RBM6: variants seen among roughly 807,000 people sequenced by gnomAD.
RBM6 encodes the protein RNA-binding protein 6.
A neutral mutation model predicts 140.4 loss-of-function variants in RBM6; 23 were observed. That is an observed-to-expected ratio of 0.16 (90% CI 0.12 to 0.23). RBM6 has a LOEUF of 0.23. RBM6 is among the 10% of genes least tolerant of loss of function. RBM6 has a pLI of 1.00. For missense variants in RBM6, 1,139 were observed against 1,386.7 expected (o/e 0.82, Z 2.84); for synonymous variants, 439 against 475.6 (o/e 0.92, Z 1.00).
rs1453319339 is a variant in RBM6 at position 49,968,339 on chromosome 3, A to G, written c.914A>G (p.His305Arg). 1.9e-6 allele frequency: 3 copies of G among 1,614,110 alleles called. No homozygotes were observed. The highest frequency in any genetic ancestry group is 2.2e-5 in the South Asian group (2 of 91,094). Residue 305 changes from histidine (H) to arginine (R), a missense_variant, in exon 3 of 21, where the codon CAT (histidine) becomes CGT (arginine). This residue lies in a region of RBM6 where 566 missense variants were observed against 612.7 expected (regional missense o/e 0.92). Transcript: ENST00000266022. ...YIQPSTQDREHSGMNVNRREE... is the reference protein window; with the variant it reads ...YIQPSTQDRERSGMNVNRREE... The stretch of plus-strand genomic sequence containing the variant: ...CAGCCCTCTACACAAGATAGAGAAC[A>G]TTCTGGTATGAATGTGAACAGGAGA...
chr3:50,058,791 C>T (rs1008901065), intron 10 of RBM6: 19 of 307,606 alleles, frequency 6.2e-5, no homozygotes, highest in African/African-American at 3.6e-4. Flanking sequence ...TGGCAGGCGC[C>T]TGTAGTCGCA....
At chr3:49,984,654 TCG>T (rs1553643667) in intron 5 of RBM6, among the ~76,000 whole-genome samples, 3 of 134,526 alleles carry the variant, frequency 2.2e-5, no homozygotes, top group East Asian at 2.1e-4. Flanking sequence ...TCGCATCGCA[TCG>T]CATCGCATTG....
At chr3:50,063,554 G>A (rs983305570) in intron 15 of RBM6, among the ~76,000 whole-genome samples, 1 of 148,744 alleles carries the variant, frequency 6.7e-6, no homozygotes, top group Non-Finnish European at 1.5e-5. Flanking sequence ...CTGTGATTGC[G>A]CCACTGCACT....
At chr3:50,023,655 A>ATTTT (rs35083306) in intron 6 of RBM6, among the ~76,000 whole-genome samples, 8 of 115,090 alleles carry the variant, frequency 7.0e-5, no homozygotes, top group African/African-American at 1.0e-4. Context: ...ATGTTTGGTG[A>ATTTT]TTTTTTTTTT....
chr3:49,984,621 GCA>G (rs1559552805), intron 5 of RBM6, among the ~76,000 whole-genome samples: 2 of 39,156 alleles, frequency 5.1e-5, no homozygotes, highest in African/African-American at 1.6e-4. Flanking sequence ...ACATCGCATC[GCA>G]TCGCATCGCA....
At chr3:50,062,893 T>C (rs2089991358) in intron 15 of RBM6, among the ~76,000 whole-genome samples, 1 of 40,506 alleles carries the variant, frequency 2.5e-5, no homozygotes, top group African/African-American at 5.7e-5. Context: ...TTCTTTTTCC[T>C]TTTTTTTTTT....
chr3:49,964,838 G>C (rs1255748884), intron 2 of RBM6, among the ~76,000 whole-genome samples: 1 of 152,082 alleles, frequency 6.6e-6, no homozygotes, highest in Non-Finnish European at 1.5e-5. Context: ...TTCAAATTTA[G>C]AACATTTGTC....
In RBM6 at chr3:49,968,405, T is replaced by C. The variant is rs1331969398; in HGVS notation, c.980T>C (p.Phe327Ser). Residue 327 changes from phenylalanine to serine, a missense_variant, in exon 3 of 21, where the codon TTT (phenylalanine) becomes TCT (serine). By Grantham distance (155) the Phe-to-Ser change is radical (BLOSUM62 -2). Around this residue, in one of 9 missense-constraint regions of RBM6, gnomAD observed 566 missense variants for 612.7 expected, o/e 0.92. Transcript: ENST00000266022. ...GACCATACGATAGAAAGGCCTGCTT[T>C]TGGCATTCAGAAGGGAGAATTTGAG... is the stretch of plus-strand genomic sequence containing the variant. Reference protein sequence around the residue: ...THDHTIERPAFGIQKGEFEHS... With the variant: ...THDHTIERPASGIQKGEFEHS... The C allele has an allele frequency of 6.2e-7, 1 of 1,614,022 alleles. No homozygotes were observed. Among genetic ancestry groups the C allele is most frequent in the Non-Finnish European group, 8.5e-7 (1 of 1,180,034 alleles).
intron 5 of RBM6, among the ~76,000 whole-genome samples, chr3:49,979,324 G>T (rs527388828): frequency 1.5e-4 from 23 of 152,154 alleles, no homozygotes; most frequent in African/African-American, 5.5e-4. Context: ...GCTGATAGAA[G>T]TGTTCTGGAA....
chr3:50,010,586 A>G (rs909122457), intron 6 of RBM6, among the ~76,000 whole-genome samples: 1 of 152,128 alleles, frequency 6.6e-6, no homozygotes, highest in Non-Finnish European at 1.5e-5. Flanking sequence ...CAATTTTAAA[A>G]AAAGTCTTTA....
At chr3:50,007,779 C>T (rs1053311560) in intron 6 of RBM6, among the ~76,000 whole-genome samples, 7 of 151,698 alleles carry the variant, frequency 4.6e-5, no homozygotes, top group South Asian at 2.1e-4. Context: ...GTGATCCACC[C>T]GCCTCGGCCT....
At chr3:49,953,437 CT>C (rs1173335259) in intron 1 of RBM6, among the ~76,000 whole-genome samples, 3 of 151,508 alleles carry the variant, frequency 2.0e-5, no homozygotes, top group Non-Finnish European at 4.4e-5. Flanking sequence ...CCAGGCTGGT[CT>C]CGATCTCTTG....
intron 7 of RBM6, among the ~76,000 whole-genome samples, chr3:50,048,927 C>T (rs1162908835): frequency 1.3e-5 from 2 of 152,002 alleles, no homozygotes; most frequent in Non-Finnish European, 2.9e-5. Flanking sequence ...CTCAGCCTCC[C>T]GAGTAGCTGG....
At chr3:49,946,671 G>C (rs1391266045) in intron 1 of RBM6, among the ~76,000 whole-genome samples, 1 of 151,968 alleles carries the variant, frequency 6.6e-6, no homozygotes, top group East Asian at 1.9e-4. Context: ...GGGTAGCTGG[G>C]ATTACAGGCG....
At chr3:49,981,149 C>T (rs902771566) in intron 5 of RBM6, among the ~76,000 whole-genome samples, 2 of 152,118 alleles carry the variant, frequency 1.3e-5, no homozygotes, top group South Asian at 4.1e-4. Context: ...ATTCGTCCAC[C>T]TCTGCCTCCC....
chr3:49,964,626 A>G (rs1263969051), intron 2 of RBM6, among the ~76,000 whole-genome samples: 2 of 152,346 alleles, frequency 1.3e-5, no homozygotes, highest in South Asian at 2.1e-4. Flanking sequence ...CTGGCTCTTC[A>G]TGGAAAAAGT....
At chr3:49,984,644 TC>T (rs1575611455) in intron 5 of RBM6, among the ~76,000 whole-genome samples, 2 of 118,304 alleles carry the variant, frequency 1.7e-5, no homozygotes, top group South Asian at 5.2e-4. Flanking sequence ...TCGCATCGCA[TC>T]GCATCGCATC....
chr3:50,043,105 G>GATTTTAGCAGGTTTTAGTCTA (rs1480182677), intron 6 of RBM6, among the ~76,000 whole-genome samples: 1 of 152,202 alleles, frequency 6.6e-6, no homozygotes, highest in Non-Finnish European at 1.5e-5. Context: ...GGCTGGAAAG[G>GATTTTAGCAGGTTTTAGTCTA]ATTTTAGCAG....
At chr3:50,065,187 G>A in intron 16 of RBM6, 61 bp downstream of exon 16, 2 of 1,344,410 alleles carry the variant, frequency 1.5e-6, no homozygotes, top group Middle Eastern at 3.7e-4. Flanking sequence ...CCGAGTAGAA[G>A]AGGAAGCGCA....
Sources: allele counts gnomAD v4.1 joint callset (sites outside exome capture counted in the v4.1 genomes callset), GRCh38; gene constraint gnomAD v4.1.1; regional missense constraint gnomAD v4.1.1; transcripts MANE v1.5; gene names NCBI Gene and HGNC (gene_info 2026-07-23, HGNC 2026-07-21).